SLC14A2: variants seen among roughly 807,000 people sequenced by gnomAD.
SLC14A2 encodes the protein solute carrier family 14 member 2, also known as urea transporter 2.
Under a neutral mutation model 104.6 loss-of-function variants are expected in SLC14A2, and 91 were observed. The observed-to-expected ratio is 0.87, with a 90% CI of 0.73 to 1.04. The LOEUF is 1.04. Among genes scored for constraint, SLC14A2 ranks in the 50% least tolerant of loss-of-function variants. SLC14A2 has a pLI of 0.00. For missense variants in SLC14A2, 1,189 were observed against 1,156.0 expected, an observed-to-expected ratio of 1.03 and a Z score of -0.41; for synonymous variants, 476 against 466.4, an observed-to-expected ratio of 1.02 and a Z score of -0.27.
rs180812445 is a variant in SLC14A2 at position 45,342,640 on chromosome 18, C to A, written c.-125+129449C>A. Among the ~76,000 whole-genome samples, 379 of 152,252 alleles carry A rather than the reference C, an allele frequency of 2.5e-3. 1 individual carries two copies. The highest frequency in any genetic ancestry group is 8.7e-3 in the African/African-American group (360 of 41,534). On this transcript the variant is annotated intron_variant, in intron 1 of 20. Transcript: ENST00000586448. ...AGAAAAGGTTATTGCTAGTGTCTTG[C>A]AGAAAGATAATGTTTGTTTGCACCA...
At chr18:45,267,300 C>T (rs1362708096) in intron 1 of SLC14A2, among the ~76,000 whole-genome samples, 3 of 152,104 alleles carry the variant, frequency 2.0e-5, no homozygotes, top group Admixed American at 2.0e-4. Context: ...CAAGTTCAGA[C>T]CTCTTAGTCT....
chr18:45,414,931 A>G (rs951010627), intron 1 of SLC14A2, among the ~76,000 whole-genome samples: 3 of 151,458 alleles, frequency 2.0e-5, no homozygotes, highest in Non-Finnish European at 4.4e-5. Flanking sequence ...TATTTTCAGC[A>G]GAGTCCGATC....
At chr18:45,344,023 A>T (rs2085423103) in intron 1 of SLC14A2, among the ~76,000 whole-genome samples, 1 of 152,234 alleles carries the variant, frequency 6.6e-6, no homozygotes, top group Admixed American at 6.5e-5. Context: ...TGTGCATAAA[A>T]GCAGCTACAA....
intron 1 of SLC14A2, among the ~76,000 whole-genome samples, chr18:45,304,251 A>G (rs1412946996): frequency 6.6e-6 from 1 of 152,210 alleles, no homozygotes; most frequent in Non-Finnish European, 1.5e-5. Context: ...TTCCACTAAA[A>G]ATATTAAGAA....
At chr18:45,625,986 G>A (rs1599081991) in intron 3 of SLC14A2, 123 bp downstream of exon 3, 2 of 661,342 alleles carry the variant, frequency 3.0e-6, no homozygotes, top group Admixed American at 4.3e-5. Flanking sequence ...GATCTGCCCA[G>A]GACTGGACCT....
At chr18:45,183,292 G>T in the SLC14A2 span, among the ~76,000 whole-genome samples, 1 of 152,158 alleles carries the variant, frequency 6.6e-6, no homozygotes, top group Non-Finnish European at 1.5e-5. Context: ...ACCTCTTGGG[G>T]TAGGCCGCTC....
chr18:45,520,351 T>C (rs80139815), intron 2 of SLC14A2, among the ~76,000 whole-genome samples: 7,569 of 152,176 alleles, frequency 0.05, 240 homozygotes, highest in Middle Eastern at 0.13. Flanking sequence ...TGTTGGCAGA[T>C]CACCTGATGG....
At chr18:45,486,387 G>A (rs1397899491) in intron 2 of SLC14A2, among the ~76,000 whole-genome samples, 1 of 151,824 alleles carries the variant, frequency 6.6e-6, no homozygotes. Context: ...TCTGAAAAGT[G>A]GTGGATTTTC....
At chr18:45,530,954 G>GT (rs2144831500) in intron 2 of SLC14A2, among the ~76,000 whole-genome samples, 1 of 152,124 alleles carries the variant, frequency 6.6e-6, no homozygotes, top group South Asian at 2.1e-4. Context: ...GCGGTGTTTG[G>GT]TTTTTTGTCC....
At chr18:45,430,902 C>T (rs2086504106) in intron 1 of SLC14A2, among the ~76,000 whole-genome samples, 1 of 152,042 alleles carries the variant, frequency 6.6e-6, no homozygotes, top group South Asian at 2.1e-4. Flanking sequence ...GAATGGACAC[C>T]CAGGGAGACC....
chr18:45,197,646 G>A, the SLC14A2 span, among the ~76,000 whole-genome samples: 2 of 152,196 alleles, frequency 1.3e-5, no homozygotes, highest in Admixed American at 6.5e-5. Context: ...GGTTTATAAT[G>A]AAAATGCTGA....
chr18:45,410,784 T>C (rs2086206513), intron 1 of SLC14A2, among the ~76,000 whole-genome samples: 1 of 152,188 alleles, frequency 6.6e-6, no homozygotes, highest in African/African-American at 2.4e-5. Flanking sequence ...CCAGCTGAGA[T>C]AAATAAAGCT....
At chr18:45,420,852 C>T (rs1598785343) in intron 1 of SLC14A2, among the ~76,000 whole-genome samples, 2 of 151,722 alleles carry the variant, frequency 1.3e-5, no homozygotes, top group South Asian at 2.1e-4. Context: ...GAAATTCTCC[C>T]GCCTCAACCT....
chr18:45,669,232 C>A, intron 15 of SLC14A2, 74 bp from the exon 16 acceptor site: 1 of 1,229,200 alleles, frequency 8.1e-7, no homozygotes, highest in Non-Finnish European at 1.1e-6. Flanking sequence ...GCACAGGGAG[C>A]CCCCACTGCA....
At chr18:45,484,027 C>T (rs1568233256) in intron 2 of SLC14A2, among the ~76,000 whole-genome samples, 1 of 152,166 alleles carries the variant, frequency 6.6e-6, no homozygotes, top group Non-Finnish European at 1.5e-5. Flanking sequence ...GCTGTTGTAA[C>T]AGATAACATT....
chr18:45,219,462 T>C (rs185880000), intron 1 of SLC14A2, among the ~76,000 whole-genome samples: 2 of 152,188 alleles, frequency 1.3e-5, no homozygotes, highest in East Asian at 3.9e-4. Flanking sequence ...TTATTAACCA[T>C]GGGGTCGGTC....
intron 1 of SLC14A2, among the ~76,000 whole-genome samples, chr18:45,302,320 C>T (rs574413270): frequency 6.6e-6 from 1 of 152,348 alleles, no homozygotes; most frequent in Non-Finnish European, 1.5e-5. Flanking sequence ...GTCTATACTG[C>T]TGCTTGCAGG....
At chr18:45,323,959 A>C (rs1406387525) in intron 1 of SLC14A2, among the ~76,000 whole-genome samples, 2 of 152,176 alleles carry the variant, frequency 1.3e-5, no homozygotes, top group Non-Finnish European at 2.9e-5. Flanking sequence ...ACACGCATGC[A>C]CTGGAGGGTT....
chr18:45,215,732 G>T (rs983586723), intron 1 of SLC14A2, among the ~76,000 whole-genome samples: 2 of 152,238 alleles, frequency 1.3e-5, no homozygotes, highest in African/African-American at 4.8e-5. Context: ...AGAAAGCTTT[G>T]CAGGAAGACT....
Sources: allele counts gnomAD v4.1 joint callset (sites outside exome capture counted in the v4.1 genomes callset), GRCh38; gene constraint gnomAD v4.1.1; transcripts MANE v1.5; gene names NCBI Gene and HGNC (gene_info 2026-07-23, HGNC 2026-07-21).